CRACD: variants seen among roughly 807,000 people sequenced by gnomAD.
CRACD encodes the protein capping protein inhibiting regulator of actin dynamics, also known as capping protein-inhibiting regulator of actin dynamics.
A neutral mutation model predicts 106.8 loss-of-function variants in CRACD; 56 were observed. The ratio of observed to expected loss-of-function variants is 0.52; its 90% confidence interval spans 0.42 to 0.66. The LOEUF (loss-of-function observed/expected upper bound fraction) is 0.66. Among genes scored for constraint, CRACD ranks in the 30% least tolerant of loss-of-function variants. CRACD has a pLI of 0.00. For missense variants in CRACD, 1,730 were observed against 1,623.2 expected (o/e 1.07, Z -1.13); for synonymous variants, 754 against 670.8 (o/e 1.12, Z -1.92).
At chr4:56,256,142 G>T (rs546614467) in intron 2 of CRACD, among the ~76,000 whole-genome samples, 1 of 152,304 alleles carries the variant, frequency 6.6e-6, no homozygotes, top group Non-Finnish European at 1.5e-5. Flanking sequence ...ATCTCATCTT[G>T]AATTGTAGCA....
intron 1 of CRACD, among the ~76,000 whole-genome samples, chr4:56,066,848 C>T (rs768253588): frequency 5.3e-5 from 8 of 151,984 alleles, no homozygotes; most frequent in Admixed American, 1.3e-4. Context: ...TGAATGAATG[C>T]GTGTTCATGG....
rs573005640 is a variant in CRACD, at chr4:56,161,796, C to A, written c.-335-17488C>A. 2.1e-3 allele frequency among the ~76,000 whole-genome samples: 308 copies of A among 148,166 alleles called. 2 individuals are homozygous for A. Among genetic ancestry groups the A allele is most frequent in the African/African-American group, 7.6e-3 (301 of 39,384 alleles). The stretch of plus-strand genomic sequence containing the variant: ...TTTTTTTTTTTGAGATGGAGTCTCG[C>A]TCTGTTGCGCAGGCTGGAGTGCAGT... On this transcript the variant is annotated intron_variant, in intron 1 of 10. Transcript: ENST00000682029.
intron 2 of CRACD, among the ~76,000 whole-genome samples, chr4:56,262,962 G>A (rs1315104061): frequency 6.6e-6 from 1 of 152,138 alleles, no homozygotes; most frequent in Non-Finnish European, 1.5e-5. Flanking sequence ...AGAGGGAATG[G>A]TAGGTCTATG....
intron 2 of CRACD, among the ~76,000 whole-genome samples, chr4:56,208,533 T>A (rs964852785): frequency 6.6e-6 from 1 of 152,188 alleles, no homozygotes; most frequent in Non-Finnish European, 1.5e-5. Context: ...TACACAGGCC[T>A]TCTACACATA....
At chr4:56,199,681 C>CA (rs372264328) in intron 2 of CRACD, among the ~76,000 whole-genome samples, 33,256 of 99,986 alleles carry the variant, frequency 0.33, 4,494 homozygotes, top group Middle Eastern at 0.37. Flanking sequence ...AACTCCGTCT[C>CA]AAAAAAAAAA....
At chr4:56,097,616 G>A (rs1292177939) in intron 1 of CRACD, 1 of 152,406 alleles carries the variant, frequency 6.6e-6, no homozygotes, top group Admixed American at 6.6e-5. Flanking sequence ...GAGAAGAGAG[G>A]CTAGGGAGGT....
At chr4:56,176,255 A>G (rs530501768) in intron 1 of CRACD, among the ~76,000 whole-genome samples, 2 of 152,182 alleles carry the variant, frequency 1.3e-5, no homozygotes, top group South Asian at 2.1e-4. Context: ...TTCTTTAGCT[A>G]TTCAGGGTCT....
At chr4:56,288,372 G>A in intron 3 of CRACD, 1 of 244,688 alleles carries the variant, frequency 4.1e-6, no homozygotes. Flanking sequence ...AATAGGAAAT[G>A]TATCAGCTCT....
intron 2 of CRACD, among the ~76,000 whole-genome samples, chr4:56,237,754 AC>A: frequency 6.6e-6 from 1 of 150,876 alleles, no homozygotes; most frequent in East Asian, 1.9e-4. Flanking sequence ...ACACACACAC[AC>A]ACACACAAAC....
At chr4:56,100,545 GGTAT>G (rs2109830654) in intron 1 of CRACD, among the ~76,000 whole-genome samples, 1 of 152,260 alleles carries the variant, frequency 6.6e-6, no homozygotes, top group South Asian at 2.1e-4. Context: ...CACCAAAATT[GGTAT>G]GTTGAAGTTT....
intron 1 of CRACD, among the ~76,000 whole-genome samples, chr4:56,161,224 A>G (rs1411845341): frequency 2.0e-5 from 3 of 152,188 alleles, no homozygotes; most frequent in Non-Finnish European, 4.4e-5. Context: ...TTCTATCAGA[A>G]AGGACTAAAA....
chr4:56,123,872 C>G (rs1734571713), intron 1 of CRACD, among the ~76,000 whole-genome samples: 1 of 152,314 alleles, frequency 6.6e-6, no homozygotes, highest in Middle Eastern at 3.4e-3. Context: ...AGTCCAGAAT[C>G]TGAACAACCA....
At chr4:56,258,705 T>C (rs6819131) in intron 2 of CRACD, among the ~76,000 whole-genome samples, 16,522 of 152,194 alleles carry the variant, frequency 0.11, 2,145 homozygotes, top group East Asian at 0.62. Context: ...TTGAGCAGTG[T>C]ATCTGATTGT....
intron 1 of CRACD, among the ~76,000 whole-genome samples, chr4:56,170,745 G>A (rs562838512): frequency 2.0e-5 from 3 of 152,212 alleles, no homozygotes; most frequent in South Asian, 4.1e-4. Context: ...AGGCTGAGGC[G>A]GGAGGATCGC....
chr4:56,307,146 ATTT>A (rs201217538), intron 4 of CRACD, among the ~76,000 whole-genome samples: 1 of 151,914 alleles, frequency 6.6e-6, no homozygotes, highest in Non-Finnish European at 1.5e-5. Context: ...GTTTTCTATA[ATTT>A]TTTTTGCACT....
intron 5 of CRACD, among the ~76,000 whole-genome samples, chr4:56,310,322 GC>G (rs1745056141): frequency 6.6e-6 from 1 of 152,142 alleles, no homozygotes; most frequent in Non-Finnish European, 1.5e-5. Flanking sequence ...GAGGTTGGAG[GC>G]CATGTATGAG....
intron 8 of CRACD, among the ~76,000 whole-genome samples, chr4:56,318,104 T>C (rs1186826209): frequency 1.3e-5 from 2 of 152,154 alleles, no homozygotes; most frequent in African/African-American, 4.8e-5. Context: ...CTGAGGAGTG[T>C]TGGTCTGGTT....
At chr4:56,100,469 C>A (rs1481158971) in intron 1 of CRACD, among the ~76,000 whole-genome samples, 1 of 152,104 alleles carries the variant, frequency 6.6e-6, no homozygotes, top group African/African-American at 2.4e-5. Context: ...CTTCACAAAC[C>A]TTCATAAAAC....
At chr4:56,226,602 T>C in intron 2 of CRACD, among the ~76,000 whole-genome samples, 1 of 152,130 alleles carries the variant, frequency 6.6e-6, no homozygotes, top group Non-Finnish European at 1.5e-5. Context: ...TGCTATAGTT[T>C]TGATGTTTGT....
Sources: allele counts gnomAD v4.1 joint callset (sites outside exome capture counted in the v4.1 genomes callset), GRCh38; gene constraint gnomAD v4.1.1; transcripts MANE v1.5; gene names NCBI Gene and HGNC (gene_info 2026-07-23, HGNC 2026-07-21).